The following BTBD16 variants were observed in gnomAD, a reference collection of about 807,000 sequenced individuals.
BTBD16 encodes BTB/POZ domain-containing protein 16.
In BTBD16, 66 loss-of-function variants were observed where a neutral mutation model predicts 67.4. That is an observed-to-expected ratio of 0.98 (90% CI 0.80 to 1.20). BTBD16 has a LOEUF of 1.20. BTBD16 is among the 50% of genes most tolerant of loss of function. BTBD16 has a pLI of 0.00. For missense variants in BTBD16, 634 were observed against 616.0 expected, an observed-to-expected ratio of 1.03 and a Z score of -0.31; for synonymous variants, 242 against 236.4, an observed-to-expected ratio of 1.02 and a Z score of -0.22.
chr10:122,328,485 AATTCCCAG>A (rs906081336), intron 10 of BTBD16, among the ~76,000 whole-genome samples: 3 of 152,214 alleles, frequency 2.0e-5, no homozygotes, highest in Non-Finnish European at 2.9e-5. Flanking sequence ...CGGTCCCAGG[AATTCCCAG>A]ATCTTATGAA....
At chr10:122,326,879 C>T (rs2096445826) in intron 10 of BTBD16, among the ~76,000 whole-genome samples, 1 of 152,182 alleles carries the variant, frequency 6.6e-6, no homozygotes, top group African/African-American at 2.4e-5. Flanking sequence ...TTTGCACAAA[C>T]AGAGCGCAGT....
At chr10:122,306,439 T>C (rs1029249068) in intron 9 of BTBD16, among the ~76,000 whole-genome samples, 4 of 152,250 alleles carry the variant, frequency 2.6e-5, no homozygotes, top group Non-Finnish European at 5.9e-5. Flanking sequence ...CACTCTCCTC[T>C]GAGCAGCTGC....
chr10:122,323,851 T>C (rs2142122014), intron 10 of BTBD16, among the ~76,000 whole-genome samples: 1 of 152,250 alleles, frequency 6.6e-6, no homozygotes, highest in South Asian at 2.1e-4. Context: ...GGTCCTGGGG[T>C]TGACCTTGGT....
intron 14 of BTBD16, among the ~76,000 whole-genome samples, chr10:122,335,708 G>A (rs938390313): frequency 1.3e-5 from 2 of 152,184 alleles, no homozygotes; most frequent in African/African-American, 2.4e-5. Flanking sequence ...TGATGTTGAC[G>A]ATGACAATGA....
At chr10:122,273,312 CAT>C (rs2096333415) in intron 1 of BTBD16, among the ~76,000 whole-genome samples, 2 of 150,866 alleles carry the variant, frequency 1.3e-5, no homozygotes, top group Admixed American at 6.6e-5. Flanking sequence ...TGTATACACA[CAT>C]GTACACAAAC....
chr10:122,328,795 T>C, intron 10 of BTBD16: 1 of 985,434 alleles, frequency 1.0e-6, no homozygotes, highest in Non-Finnish European at 1.2e-6. Context: ...TGTCTGTGTG[T>C]GCGTGTCTTC....
chr10:122,329,645 G>A (rs1020622336), intron 11 of BTBD16, 74 bp downstream of exon 11: 27 of 1,288,020 alleles, frequency 2.1e-5, no homozygotes, highest in Non-Finnish European at 2.7e-5. Context: ...CCACTGCCGG[G>A]GGAGCCCCAC....
intron 9 of BTBD16, among the ~76,000 whole-genome samples, chr10:122,305,434 T>A (rs2096401992): frequency 6.6e-6 from 1 of 152,120 alleles, no homozygotes; most frequent in South Asian, 2.1e-4. Flanking sequence ...TGATAGTGAG[T>A]GAGTTCCCTT....
intron 1 of BTBD16, among the ~76,000 whole-genome samples, chr10:122,273,616 C>A (rs535863392): frequency 6.6e-6 from 1 of 152,084 alleles, no homozygotes. Flanking sequence ...GGTGTGGTAG[C>A]GGACACCTGT....
At chr10:122,283,791 G>T in intron 3 of BTBD16, 60 bp from the exon 4 acceptor site, 2 of 1,259,672 alleles carry the variant, frequency 1.6e-6, no homozygotes, top group Non-Finnish European at 2.3e-6. Flanking sequence ...AATGCATGTT[G>T]TAGTTGGAGA....
At chr10:122,314,146 A>G (rs1435787489) in intron 10 of BTBD16, among the ~76,000 whole-genome samples, 1 of 152,192 alleles carries the variant, frequency 6.6e-6, no homozygotes, top group Non-Finnish European at 1.5e-5. Context: ...TATGTAGATC[A>G]ATTTGGGGAA....
At chr10:122,319,855 G>A (rs1252457439) in intron 10 of BTBD16, among the ~76,000 whole-genome samples, 1 of 152,002 alleles carries the variant, frequency 6.6e-6, no homozygotes, top group East Asian at 1.9e-4. Context: ...CATGAATATG[G>A]TATATCTTTC....
At chr10:122,284,965 T>C (rs2096360754) in intron 4 of BTBD16, among the ~76,000 whole-genome samples, 2 of 152,156 alleles carry the variant, frequency 1.3e-5, no homozygotes, top group South Asian at 2.1e-4. Context: ...GGGCTGAGAC[T>C]TTTTCTAACT....
chr10:122,327,761 C>T (rs1055939467), intron 10 of BTBD16, among the ~76,000 whole-genome samples: 6 of 152,196 alleles, frequency 3.9e-5, no homozygotes, highest in Non-Finnish European at 8.8e-5. Context: ...GAATGGCCTT[C>T]GAGTCTGAGT....
chr10:122,330,298 G>C (rs186169361), intron 11 of BTBD16, among the ~76,000 whole-genome samples: 236 of 152,228 alleles, frequency 1.6e-3, no homozygotes, highest in African/African-American at 5.4e-3. Flanking sequence ...CTTCCCCAGG[G>C]ACCTGGGAAG....
At chr10:122,337,891 C>A in intron 15 of BTBD16, 126 bp from the exon 16 acceptor site, 1 of 703,176 alleles carries the variant, frequency 1.4e-6, no homozygotes, top group Non-Finnish European at 2.4e-6. Context: ...GCAGGTTATT[C>A]TGATGTGCAA....
intron 7 of BTBD16, chr10:122,295,225 G>T (rs1447437950): frequency 5.0e-6 from 4 of 805,102 alleles, no homozygotes; most frequent in Non-Finnish European, 6.0e-6. Context: ...AACTAAGGCA[G>T]TATGTGGGGA....
chr10:122,325,809 G>A (rs1049290356), intron 10 of BTBD16, among the ~76,000 whole-genome samples: 1 of 151,994 alleles, frequency 6.6e-6, no homozygotes, highest in Non-Finnish European at 1.5e-5. Flanking sequence ...CCGAGTAGCT[G>A]GGATTACAGG....
At chr10:122,337,341 C>T (rs545388577) in intron 15 of BTBD16, among the ~76,000 whole-genome samples, 3 of 152,160 alleles carry the variant, frequency 2.0e-5, no homozygotes, top group South Asian at 2.1e-4. Flanking sequence ...TTTTCTATGA[C>T]GTTAGAAATC....
Sources: gnomAD v4.1 joint callset for allele counts (sites outside exome capture counted in the v4.1 genomes callset) on GRCh38, gnomAD v4.1.1 for gene constraint, MANE v1.5 for transcripts, NCBI Gene and HGNC (gene_info 2026-07-23, HGNC 2026-07-21) for gene names.